ZNF185: variants seen among roughly 807,000 people sequenced by gnomAD.
ZNF185 encodes the protein zinc finger protein 185 with LIM domain.
Under a neutral mutation model 58.6 loss-of-function variants are expected in ZNF185, and 56 were observed. That is an observed-to-expected ratio of 0.95 (90% CI 0.77 to 1.19). ZNF185 has a LOEUF of 1.19. Among genes scored for constraint, ZNF185 ranks in the 50% most tolerant of loss-of-function variants. The pLI is 0.00. For missense variants in ZNF185, 627 were observed against 573.5 expected (o/e 1.09, Z -0.95); for synonymous variants, 230 against 215.9 (o/e 1.07, Z -0.57).
At chrX:152,965,262 T>C (rs1802800746) in intron 18 of ZNF185, among the ~76,000 whole-genome samples, 185 bp from the exon 21 acceptor site, 1 of 111,940 alleles carries the variant, frequency 8.9e-6, no homozygotes, top group African/African-American at 3.3e-5. Flanking sequence ...GAGACGCTCA[T>C]GGCCTGGGAT....
At chrX:152,909,008 G>A in the ZNF185 span, among the ~76,000 whole-genome samples, 3 of 113,169 alleles carry the variant, frequency 2.7e-5, no homozygotes, top group African/African-American at 9.6e-5. Flanking sequence ...ATCGCAGAGC[G>A]GAGCCCAGGC....
chrX:152,959,169 A>T (rs1172298502), intron 16 of ZNF185, among the ~76,000 whole-genome samples: 1 of 112,073 alleles, frequency 8.9e-6, no homozygotes, highest in Admixed American at 9.4e-5. Context: ...TGGGGTCAAC[A>T]GCGGATTTGG....
chrX:152,972,962 A>G (rs1556920848), exon 23 of ZNF185: 1 of 111,894 alleles, frequency 8.9e-6, no homozygotes, highest in Non-Finnish European at 1.9e-5. Context: ...CTTCCTGCCA[A>G]ATGATCAGAG....
chrX:152,948,699 G>A (rs2048012916), intron 16 of ZNF185, among the ~76,000 whole-genome samples: 1 of 112,154 alleles, frequency 8.9e-6, no homozygotes, highest in South Asian at 3.7e-4. Context: ...GATGTGATGT[G>A]TCCTGTGAGT....
chrX:152,969,248 C>T, intron 20 of ZNF185, 134 bp from the exon 23 acceptor site: 1 of 504,923 alleles, frequency 2.0e-6, no homozygotes. Context: ...CTGCACACCA[C>T]AGAAAACAGT....
Position 152,920,694 on chromosome X carries a change from GCTTC to G in ZNF185, c.615-9_615-6del. ...GCTCTGCCCAAAGCATTGCCTTTCT[GCTTC>G]CTTTCCAGCAGTCCTACCCAGGAGA... On this transcript the variant is annotated splice_polypyrimidine_tract_variant and intron_variant, in intron 8 of 22. Transcript: ENST00000449285. 1 of 1,212,089 alleles carries G rather than the reference GCTTC, an allele frequency of 8.3e-7. No homozygotes were observed. The highest frequency in any genetic ancestry group is 1.1e-6 in the Non-Finnish European group (1 of 895,478).
At position 152,937,601 on chromosome X, in the gene ZNF185, C is replaced by G. The variant is rs1278541382; in HGVS notation, c.1122-473C>G. Among the ~76,000 whole-genome samples, 10 of 112,018 alleles carry G rather than the reference C, an allele frequency of 8.9e-5. No homozygotes were observed. In the South Asian group the frequency reaches 3.4e-3, roughly 38 times the overall value. On this transcript the variant is annotated intron_variant, in intron 14 of 22. Transcript: ENST00000449285. The stretch of plus-strand genomic sequence containing the variant: ...GAGCCAAGCCCCAAGAGACATGTCC[C>G]CCATACACAGCGTCAACAGGGCAGT...
At chrX:152,918,263 A>C (rs1263763395) in intron 6 of ZNF185, 109 bp downstream of exon 7, 1 of 916,631 alleles carries the variant, frequency 1.1e-6, no homozygotes, top group African/African-American at 2.0e-5. Flanking sequence ...CAGCCCGGGA[A>C]GTCCCGCCTG....
chrX:152,931,573 A>T, intron 12 of ZNF185, 99 bp from the exon 14 acceptor site: 1 of 725,475 alleles, frequency 1.4e-6, no homozygotes, highest in Admixed American at 3.5e-5. Context: ...GCAGGTTTTA[A>T]GCTCCGTGGA....
At chrX:152,908,346 T>C in the ZNF185 span, among the ~76,000 whole-genome samples, 1 of 112,824 alleles carries the variant, frequency 8.9e-6, no homozygotes, top group South Asian at 3.6e-4. Flanking sequence ...ACATTTGCTC[T>C]CCATCTTCTT....
intron 14 of ZNF185, chrX:152,936,477 A>G: frequency 2.6e-6 from 3 of 1,165,711 alleles, no homozygotes; most frequent in Non-Finnish European, 3.4e-6. Flanking sequence ...CACAGTGCCA[A>G]CTCTCAGTCC....
intron 14 of ZNF185, among the ~76,000 whole-genome samples, chrX:152,935,061 C>T (rs934800742): frequency 1.8e-5 from 2 of 111,094 alleles, no homozygotes; most frequent in Non-Finnish European, 3.8e-5. Flanking sequence ...TGGGCTCAAG[C>T]AGTCCACCGA....
the ZNF185 span, among the ~76,000 whole-genome samples, chrX:152,903,564 T>C: frequency 9.1e-6 from 1 of 109,501 alleles, no homozygotes; most frequent in Admixed American, 9.7e-5. Context: ...ATGACTGGGA[T>C]TGGCTGAAGA....
At chrX:152,947,465 A>G (rs978875495) in intron 16 of ZNF185, among the ~76,000 whole-genome samples, 1 of 112,157 alleles carries the variant, frequency 8.9e-6, no homozygotes, top group Non-Finnish European at 1.9e-5. Flanking sequence ...GGGCTAGGCA[A>G]TTGGATGGGT....
chrX:152,902,397 G>A, the ZNF185 span, among the ~76,000 whole-genome samples: 1 of 113,247 alleles, frequency 8.8e-6, no homozygotes, highest in Non-Finnish European at 1.9e-5. Context: ...GTGGCGAAGA[G>A]TTGCTATGGA....
rs180904829 is a variant in ZNF185 at position 152,929,093 on chromosome X, G to C, written c.917+432G>C. Reference sequence around the variant, plus strand: ...TGTTGGTGGGGGTGGGAGGAGGATTGGGTCTAAGGAGCCCGTGAAGGCCAC... The same window carrying C: ...TGTTGGTGGGGGTGGGAGGAGGATTCGGTCTAAGGAGCCCGTGAAGGCCAC... On this transcript the variant is annotated intron_variant, in intron 12 of 22. Coordinates refer to ENST00000449285, the Ensembl canonical transcript of ZNF185. 2.2e-3 allele frequency among the ~76,000 whole-genome samples: 250 copies of C among 112,131 alleles called. 2 individuals carry two copies. Among genetic ancestry groups the C allele is most frequent in the Non-Finnish European group, 3.2e-3 (172 of 53,136 alleles).
intron 16 of ZNF185, among the ~76,000 whole-genome samples, chrX:152,959,226 C>T (rs937314414): frequency 8.9e-6 from 1 of 111,947 alleles, no homozygotes; most frequent in African/African-American, 3.2e-5. Context: ...TTGCCCCTAC[C>T]GAGCCCTCCA....
chrX:152,922,518 C>G (rs1556870155), intron 10 of ZNF185, among the ~76,000 whole-genome samples: 4 of 112,093 alleles, frequency 3.6e-5, no homozygotes, highest in Middle Eastern at 4.6e-3. Flanking sequence ...TCACCTTAAC[C>G]CTTGCACCAC....
At chrX:152,906,778 C>T in the ZNF185 span, among the ~76,000 whole-genome samples, 1,653 of 110,397 alleles carry the variant, frequency 0.015, 32 homozygotes, top group African/African-American at 0.05. Flanking sequence ...TCTGCTTGCA[C>T]CTCTGCCTGT....
Sources: allele counts gnomAD v4.1 joint callset (sites outside exome capture counted in the v4.1 genomes callset), GRCh38; gene constraint gnomAD v4.1.1; transcripts MANE v1.5; gene names NCBI Gene and HGNC (gene_info 2026-07-23, HGNC 2026-07-21).